The following TAFA2 variants were observed in gnomAD, a reference collection of about 807,000 sequenced individuals.
The protein encoded by TAFA2 is chemokine-like protein TAFA-2.
Under a neutral mutation model 18.8 loss-of-function variants are expected in TAFA2, and 7 were observed. The observed-to-expected ratio is 0.37, with a 90% CI of 0.21 to 0.70. TAFA2 has a LOEUF of 0.70. Ranked by LOEUF, TAFA2 falls within the 30% of genes least tolerant of loss-of-function variation. The pLI is 0.53. For missense variants in TAFA2, 122 were observed against 158.1 expected (o/e 0.77, Z 1.23); for synonymous variants, 60 against 54.2 (o/e 1.11, Z -0.47).
intron 2 of TAFA2, among the ~76,000 whole-genome samples, chr12:61,865,090 A>G (rs936836080): frequency 2.0e-5 from 3 of 152,198 alleles, no homozygotes; most frequent in African/African-American, 7.2e-5. Flanking sequence ...TATAGAAGAG[A>G]GACAACCATT....
chr12:61,758,287 G>A (rs1460555491), intron 2 of TAFA2, among the ~76,000 whole-genome samples: 1 of 151,924 alleles, frequency 6.6e-6, no homozygotes, highest in Admixed American at 6.6e-5. Context: ...GAATCATGGG[G>A]TCAAGGGAAT....
intron 2 of TAFA2, among the ~76,000 whole-genome samples, chr12:61,816,294 G>T (rs1054188955): frequency 1.3e-5 from 2 of 151,254 alleles, no homozygotes; most frequent in Admixed American, 6.6e-5. Flanking sequence ...CTGTTCCTGT[G>T]CTAGTTTGCT....
At chr12:61,726,211 T>A (rs1340809273) in intron 4 of TAFA2, among the ~76,000 whole-genome samples, 1 of 151,586 alleles carries the variant, frequency 6.6e-6, no homozygotes, top group Non-Finnish European at 1.5e-5. Flanking sequence ...TATCTCTAAT[T>A]GGTGGGCTCT....
intron 2 of TAFA2, among the ~76,000 whole-genome samples, chr12:61,854,540 C>T (rs984440887): frequency 1.3e-5 from 2 of 151,702 alleles, no homozygotes; most frequent in Admixed American, 6.6e-5. Context: ...CCAAGATATA[C>T]ATCATTTTAA....
intron 1 of TAFA2, among the ~76,000 whole-genome samples, chr12:62,055,196 T>A (rs1025203392): frequency 3.9e-5 from 6 of 152,194 alleles, no homozygotes; most frequent in Admixed American, 3.9e-4. Context: ...TGCCAGCACC[T>A]TGATCTTGGA....
intron 2 of TAFA2, among the ~76,000 whole-genome samples, chr12:61,851,506 G>C (rs1001680106): frequency 6.6e-6 from 1 of 152,074 alleles, no homozygotes; most frequent in African/African-American, 2.4e-5. Context: ...GCCGGGCGCG[G>C]TGGCTCACGC....
intron 2 of TAFA2, among the ~76,000 whole-genome samples, chr12:61,849,615 G>A (rs1343376948): frequency 6.6e-6 from 1 of 152,100 alleles, no homozygotes; most frequent in Non-Finnish European, 1.5e-5. Context: ...GAAACTACAG[G>A]AGACACTTAA....
chr12:62,152,091 A>C (rs1329876160), intron 1 of TAFA2, among the ~76,000 whole-genome samples: 1 of 152,220 alleles, frequency 6.6e-6, no homozygotes, highest in African/African-American at 2.4e-5. Flanking sequence ...GCTTTGGGAA[A>C]TGTGTAAGCA....
At chr12:62,054,936 A>T (rs1211643799) in intron 1 of TAFA2, among the ~76,000 whole-genome samples, 7 of 152,330 alleles carry the variant, frequency 4.6e-5, no homozygotes, top group African/African-American at 1.7e-4. Flanking sequence ...TTAGTCTCAT[A>T]CATATAGTAG....
chr12:61,730,026 G>A (rs529349446), intron 4 of TAFA2, among the ~76,000 whole-genome samples: 40 of 152,194 alleles, frequency 2.6e-4, no homozygotes, highest in South Asian at 8.3e-4. Context: ...GAGCTACTGC[G>A]CTCTGGACCA....
intron 2 of TAFA2, among the ~76,000 whole-genome samples, chr12:61,764,946 G>A (rs763547602): frequency 3.4e-4 from 52 of 152,194 alleles, no homozygotes; most frequent in Middle Eastern, 6.8e-3. Flanking sequence ...CCACGAGAGA[G>A]ATCTAGTTCA....
intron 1 of TAFA2, among the ~76,000 whole-genome samples, chr12:61,882,764 A>C (rs938885067): frequency 4.6e-5 from 7 of 152,136 alleles, no homozygotes; most frequent in African/African-American, 7.2e-5. Context: ...TACATAACAC[A>C]GAAAGAATGC....
intron 1 of TAFA2, among the ~76,000 whole-genome samples, chr12:61,894,470 C>T (rs761058873): frequency 6.6e-6 from 1 of 152,096 alleles, no homozygotes; most frequent in African/African-American, 2.4e-5. Context: ...GTTATAAATG[C>T]AGATTAGCAG....
rs74466638 is a variant in TAFA2 at position 61,846,743 on chromosome 12, A to G, written c.106+20577T>C. On this transcript the variant is annotated intron_variant, in intron 2 of 4. Transcript: ENST00000416284. ...GCATCCACGAACAACTGTCCACCCAATGATAGCTCTGAAAATAATAGTCAC... is the reference window on the plus strand; with the variant it reads ...GCATCCACGAACAACTGTCCACCCAGTGATAGCTCTGAAAATAATAGTCAC... 9.3e-3 allele frequency among the ~76,000 whole-genome samples: 1,417 copies of G among 152,290 alleles called. 13 individuals are homozygous for G. Among genetic ancestry groups the G allele is most frequent in the Non-Finnish European group, 0.013 (853 of 68,016 alleles).
At chr12:62,197,638 C>G (rs1248798619), upstream of TAFA2, among the ~76,000 whole-genome samples, 1 of 152,204 alleles carries the variant, frequency 6.6e-6, no homozygotes, top group Non-Finnish European at 1.5e-5. Flanking sequence ...CTAGCATCCA[C>G]TGATCTAGTT....
chr12:62,224,289 C>T (rs1232950514), intron 1 of TAFA2, among the ~76,000 whole-genome samples: 1 of 152,090 alleles, frequency 6.6e-6, no homozygotes, highest in East Asian at 1.9e-4. Flanking sequence ...TGTATTTAGG[C>T]TGCCACAGCA....
chr12:61,890,771 C>T (rs113483127), intron 1 of TAFA2, among the ~76,000 whole-genome samples: 1,651 of 152,222 alleles, frequency 0.011, 30 homozygotes, highest in African/African-American at 0.038. Context: ...GACTTCTCCC[C>T]GGGGACAGAG....
At chr12:62,110,612 C>CTTTTTTTTTTTTT (rs68008958) in intron 1 of TAFA2, among the ~76,000 whole-genome samples, 2 of 104,826 alleles carry the variant, frequency 1.9e-5, no homozygotes, top group Non-Finnish European at 3.7e-5. Flanking sequence ...TGGTCCTGGG[C>CTTTTTTTTTTTTT]TTTTTTTTTT....
At chr12:61,830,054 C>T (rs1872660047) in intron 2 of TAFA2, among the ~76,000 whole-genome samples, 2 of 151,530 alleles carry the variant, frequency 1.3e-5, no homozygotes, top group South Asian at 4.2e-4. Context: ...AATACTTGTA[C>T]TGGTATATTT....
Sources: gnomAD v4.1 joint callset for allele counts (sites outside exome capture counted in the v4.1 genomes callset) on GRCh38, gnomAD v4.1.1 for gene constraint, MANE v1.5 for transcripts, NCBI Gene and HGNC (gene_info 2026-07-23, HGNC 2026-07-21) for gene names.